The following ERBB4 variants were observed in gnomAD, a reference collection of about 807,000 sequenced individuals.
The protein encoded by ERBB4 is receptor tyrosine-protein kinase erbB-4.
Under a neutral mutation model 158.0 loss-of-function variants are expected in ERBB4, and 42 were observed. That is an observed-to-expected ratio of 0.27 (90% CI 0.21 to 0.34). ERBB4 has a LOEUF of 0.34. Ranked by LOEUF, ERBB4 falls within the 10% of genes least tolerant of loss-of-function variation. ERBB4 has a pLI of 1.00. For missense variants in ERBB4, 1,333 were observed against 1,624.1 expected (o/e 0.82, Z 3.08); for synonymous variants, 583 against 558.7 (o/e 1.04, Z -0.61).
chr2:212,203,143 A>T (rs922099870), intron 1 of ERBB4, among the ~76,000 whole-genome samples: 2 of 152,126 alleles, frequency 1.3e-5, no homozygotes, highest in African/African-American at 4.8e-5. Context: ...CATTGTACAT[A>T]TATGTTACAG....
At chr2:211,605,889 G>A (rs2068962456) in intron 19 of ERBB4, among the ~76,000 whole-genome samples, 1 of 152,054 alleles carries the variant, frequency 6.6e-6, no homozygotes, top group African/African-American at 2.4e-5. Flanking sequence ...CTTGTAGGTA[G>A]CAGGAGAATT....
At chr2:211,491,488 T>C (rs2125571615) in intron 20 of ERBB4, among the ~76,000 whole-genome samples, 1 of 152,196 alleles carries the variant, frequency 6.6e-6, no homozygotes, top group Non-Finnish European at 1.5e-5. Context: ...AAGTGGTTAA[T>C]ACATTTAATA....
chr2:211,547,964 A>G (rs1024800173), intron 20 of ERBB4, among the ~76,000 whole-genome samples: 1 of 152,128 alleles, frequency 6.6e-6, no homozygotes, highest in Admixed American at 6.6e-5. Flanking sequence ...GAAGCTTGCT[A>G]TTTTATAGGT....
intron 1 of ERBB4, among the ~76,000 whole-genome samples, chr2:212,135,753 T>C (rs2080252071): frequency 2.6e-5 from 4 of 152,334 alleles, no homozygotes; most frequent in South Asian, 4.1e-4. Context: ...CTTATTTACT[T>C]TGTAGTATTT....
At chr2:211,915,062 G>A (rs1477244825) in intron 3 of ERBB4, among the ~76,000 whole-genome samples, 1 of 152,092 alleles carries the variant, frequency 6.6e-6, no homozygotes, top group East Asian at 1.9e-4. Flanking sequence ...CAGGTCTGAA[G>A]GCAAAGTAAT....
chr2:211,913,995 C>A (rs1575367355), intron 3 of ERBB4, among the ~76,000 whole-genome samples: 2 of 123,866 alleles, frequency 1.6e-5, no homozygotes. Context: ...GTAAAAAAGT[C>A]AAGGACAAGA....
chr2:212,498,626 G>C (rs1410746709), intron 1 of ERBB4, among the ~76,000 whole-genome samples: 2 of 151,734 alleles, frequency 1.3e-5, no homozygotes, highest in Middle Eastern at 3.2e-3. Context: ...TTCATTCTTG[G>C]AGTCACCCAA....
intron 3 of ERBB4, among the ~76,000 whole-genome samples, chr2:211,940,223 G>A (rs900187357): frequency 3.3e-5 from 5 of 152,040 alleles, no homozygotes; most frequent in African/African-American, 1.2e-4. Context: ...AGGGTGGAGA[G>A]GTGGGTATTG....
chr2:212,434,552 T>G (rs1197795425), intron 1 of ERBB4, among the ~76,000 whole-genome samples: 1 of 151,964 alleles, frequency 6.6e-6, no homozygotes, highest in South Asian at 2.1e-4. Flanking sequence ...CACTGCTTTT[T>G]ACCACGACTT....
At chr2:212,220,564 C>G (rs1166253078) in intron 1 of ERBB4, among the ~76,000 whole-genome samples, 1 of 151,338 alleles carries the variant, frequency 6.6e-6, no homozygotes, top group Non-Finnish European at 1.5e-5. Context: ...ATAGCAGGTG[C>G]TGACTTCTTG....
chr2:211,738,161 G>A (rs1309100517), intron 5 of ERBB4, among the ~76,000 whole-genome samples: 1 of 151,894 alleles, frequency 6.6e-6, no homozygotes, highest in Non-Finnish European at 1.5e-5. Context: ...ACTGTTCCAA[G>A]CTCATACTTT....
intron 18 of ERBB4, 32 bp downstream of exon 18, chr2:211,623,890 T>G: frequency 6.2e-7 from 1 of 1,611,852 alleles, no homozygotes. Flanking sequence ...AAAACAAAAC[T>G]TAACTAACGA....
chr2:212,372,456 A>T (rs1457309693), intron 1 of ERBB4, among the ~76,000 whole-genome samples: 1 of 152,116 alleles, frequency 6.6e-6, no homozygotes, highest in Non-Finnish European at 1.5e-5. Context: ...AGCCTGTCTT[A>T]AAAAGATGCC....
rs2079380364 is a variant in ERBB4 at position 212,110,752 on chromosome 2, G to A, written c.234+14000C>T. Among the ~76,000 whole-genome samples the A allele has an allele frequency of 1.3e-5, 2 of 152,224 alleles. 1 individual carries two copies. The highest frequency in any genetic ancestry group is 4.8e-5 in the African/African-American group (2 of 41,448). On this transcript the variant is annotated intron_variant, in intron 2 of 27. Coordinates refer to ENST00000342788, the MANE Select transcript of ERBB4 (RefSeq NM_005235.3). ...TTACAATCAGCAAACAAAAGGTTAA[G>A]CCAGCCTCTTCAGGGGACTACATTT...
chr2:211,484,884 T>C (rs927982166), intron 20 of ERBB4, among the ~76,000 whole-genome samples: 5 of 152,302 alleles, frequency 3.3e-5, no homozygotes, highest in East Asian at 3.9e-4. Context: ...CCCTTATTAG[T>C]GCATGTATCC....
intron 25 of ERBB4, among the ~76,000 whole-genome samples, chr2:211,404,175 A>G (rs891143164): frequency 6.6e-6 from 1 of 152,034 alleles, no homozygotes; most frequent in Non-Finnish European, 1.5e-5. Context: ...CAACTGCCCT[A>G]CCGGAGCTCA....
chr2:211,716,644 C>T (rs2073922788), intron 7 of ERBB4, among the ~76,000 whole-genome samples: 1 of 151,992 alleles, frequency 6.6e-6, no homozygotes, highest in African/African-American at 2.4e-5. Context: ...CCACTGCATT[C>T]CGGCCTGGGC....
chr2:212,092,305 CTTG>C (rs545712202), intron 2 of ERBB4, among the ~76,000 whole-genome samples: 2 of 152,258 alleles, frequency 1.3e-5, no homozygotes, highest in East Asian at 1.9e-4. Flanking sequence ...ATTACACTGA[CTTG>C]TTGACTGTTG....
Position 212,435,961 on chromosome 2 carries a change from T to A in ERBB4, c.82+102488A>T, listed in dbSNP as rs1180779987. Among the ~76,000 whole-genome samples, 4 of 151,942 alleles carry A rather than the reference T, an allele frequency of 2.6e-5. No homozygotes were observed. In the South Asian group the frequency reaches 8.3e-4, roughly 32 times the overall value. Reference sequence around the variant, plus strand: ...GTGTGTCCCAGAAAATTCCCAGATATGCCAGGGGTTAAAAATGATTCTCTA... The same window carrying A: ...GTGTGTCCCAGAAAATTCCCAGATAAGCCAGGGGTTAAAAATGATTCTCTA... On this transcript the variant is annotated intron_variant, in intron 1 of 27. Transcript: ENST00000342788.
Sources: allele counts gnomAD v4.1 joint callset (sites outside exome capture counted in the v4.1 genomes callset), GRCh38; gene constraint gnomAD v4.1.1; transcripts MANE v1.5; gene names NCBI Gene and HGNC (gene_info 2026-07-23, HGNC 2026-07-21).